The following ERICH5 variants were observed in gnomAD, a reference collection of about 807,000 sequenced individuals.
ERICH5 encodes the protein glutamate rich 5, also known as glutamate-rich protein 5.
A neutral mutation model predicts 28.0 loss-of-function variants in ERICH5; 24 were observed. That is an observed-to-expected ratio of 0.86 (90% confidence interval 0.62 to 1.21). The LOEUF is 1.21. Ranked by LOEUF, ERICH5 falls within the 50% of genes most tolerant of loss-of-function variation. ERICH5 has a pLI of 0.00. For synonymous variants in ERICH5, 163 were observed against 157.6 expected, an observed-to-expected ratio of 1.03 and a Z score of -0.25; for missense variants, 421 against 441.2, an observed-to-expected ratio of 0.95 and a Z score of 0.41.
At chr8:98,088,611 C>T (rs1451989290) in intron 1 of ERICH5, among the ~76,000 whole-genome samples, 1 of 152,174 alleles carries the variant, frequency 6.6e-6, no homozygotes, top group Non-Finnish European at 1.5e-5. Flanking sequence ...GAAAGTAAGA[C>T]CTCTCTAGCA....
intron 2 of ERICH5, among the ~76,000 whole-genome samples, chr8:98,091,698 C>T (rs1430135356): frequency 6.6e-6 from 1 of 152,198 alleles, no homozygotes; most frequent in Non-Finnish European, 1.5e-5. Context: ...AATGTCCAGA[C>T]TTGTTAGTGT....
chr8:98,081,695 A>G (rs1298795632), intron 1 of ERICH5, among the ~76,000 whole-genome samples: 1 of 152,220 alleles, frequency 6.6e-6, no homozygotes, highest in Non-Finnish European at 1.5e-5. Context: ...TGGGAGGCCA[A>G]GGCGAGCAGA....
intron 1 of ERICH5, among the ~76,000 whole-genome samples, chr8:98,071,779 C>T (rs888460422): frequency 2.0e-5 from 3 of 152,254 alleles, no homozygotes; most frequent in Admixed American, 6.5e-5. Flanking sequence ...TGAACCACTT[C>T]TTGGGAATTG....
chr8:98,068,048 G>T (rs868519843), intron 1 of ERICH5, among the ~76,000 whole-genome samples: 1 of 151,076 alleles, frequency 6.6e-6, no homozygotes, highest in Non-Finnish European at 1.5e-5. Flanking sequence ...ATTGAGACAG[G>T]GTCTTGCTAT....
At chr8:98,070,754 A>G (rs1814902745) in intron 1 of ERICH5, among the ~76,000 whole-genome samples, 1 of 151,332 alleles carries the variant, frequency 6.6e-6, no homozygotes, top group Non-Finnish European at 1.5e-5. Flanking sequence ...GAGTAGATGG[A>G]TGGGTGAATG....
At chr8:98,077,100 TA>T (rs34156712) in intron 1 of ERICH5, among the ~76,000 whole-genome samples, 38,197 of 146,360 alleles carry the variant, frequency 0.26, 5,195 homozygotes, top group East Asian at 0.42. Context: ...CTGTCTCTAT[TA>T]AAAAAAAAAA....
At chr8:98,082,726 C>G (rs1815205484) in intron 1 of ERICH5, among the ~76,000 whole-genome samples, 1 of 151,766 alleles carries the variant, frequency 6.6e-6, no homozygotes, top group Non-Finnish European at 1.5e-5. Flanking sequence ...TAACACTTAG[C>G]CTGGCGTGGT....
intron 1 of ERICH5, among the ~76,000 whole-genome samples, chr8:98,085,708 A>G (rs1018068147): frequency 6.6e-6 from 1 of 152,218 alleles, no homozygotes; most frequent in African/African-American, 2.4e-5. Flanking sequence ...ATAAAAATCT[A>G]AACTCTTTAG....
At chr8:98,091,838 TTCTTTCTTTC>T (rs1419956745) in intron 2 of ERICH5, among the ~76,000 whole-genome samples, 68 of 52,114 alleles carry the variant, frequency 1.3e-3, no homozygotes, top group Admixed American at 1.6e-3. Context: ...CTTTTTCTTT[TTCTTTCTTTC>T]TTTCTTTCTT....
At chr8:98,079,275 A>T (rs1815128322) in intron 1 of ERICH5, among the ~76,000 whole-genome samples, 1 of 148,290 alleles carries the variant, frequency 6.7e-6, no homozygotes, top group Non-Finnish European at 1.5e-5. Context: ...GGCTTAAGCA[A>T]TCCTCCCACG....
chr8:98,079,155 TTTTTTTTTTC>T (rs1563755178), intron 1 of ERICH5, among the ~76,000 whole-genome samples: 1 of 13,348 alleles, frequency 7.5e-5, no homozygotes, highest in Non-Finnish European at 5.5e-4. Context: ...ATTTTCCTCT[TTTTTTTTTTC>T]CTTTTTTTTT....
At chr8:98,080,621 T>G (rs532199226) in intron 1 of ERICH5, among the ~76,000 whole-genome samples, 2 of 151,954 alleles carry the variant, frequency 1.3e-5, no homozygotes, top group South Asian at 4.2e-4. Context: ...CTCCTTCTTC[T>G]TCTCCTTCAC....
chr8:98,086,089 A>T (rs1215364094), intron 1 of ERICH5, among the ~76,000 whole-genome samples: 3 of 152,168 alleles, frequency 2.0e-5, no homozygotes, highest in Admixed American at 2.0e-4. Context: ...AAGGTGGTAG[A>T]TTGAAGATAT....
intron 1 of ERICH5, among the ~76,000 whole-genome samples, chr8:98,082,185 T>A (rs1815195061): frequency 6.6e-6 from 1 of 152,218 alleles, no homozygotes; most frequent in Non-Finnish European, 1.5e-5. Flanking sequence ...ATGGTCATTT[T>A]AAAGGTATTA....
Position 98,091,920 on chromosome 8 carries a change from CCTTT to C in ERICH5, c.1013-1289_1013-1286del, listed in dbSNP as rs1363100223. Among the ~76,000 whole-genome samples the C allele has an allele frequency of 8.6e-4, 23 of 26,784 alleles. 1 individual carries two copies. Among genetic ancestry groups the C allele is most frequent in the African/African-American group, 2.4e-3 (19 of 8,072 alleles). 17.6% of individuals were successfully genotyped at this position (26,784 alleles called of 152,430 possible). On this transcript the variant is annotated intron_variant, in intron 2 of 2. Coordinates refer to ENST00000318528, the MANE Select transcript of ERICH5 (RefSeq NM_173549.3). ...TCTTTCCTTTCTTTCTTTCTTTCTT[CCTTT>C]CTTTCTTTCTTCCTTTCTTTCTTTC... is the stretch of plus-strand genomic sequence containing the variant.
At chr8:98,082,344 G>A (rs1052612023) in intron 1 of ERICH5, among the ~76,000 whole-genome samples, 6 of 152,040 alleles carry the variant, frequency 3.9e-5, no homozygotes. Context: ...CAGTAAAATT[G>A]GGAAAGTTAC....
intron 1 of ERICH5, among the ~76,000 whole-genome samples, chr8:98,075,989 GC>G (rs1327328312): frequency 1.3e-5 from 2 of 151,856 alleles, no homozygotes; most frequent in African/African-American, 4.8e-5. Context: ...AACCTGGCAA[GC>G]AGCCACATCA....
intron 1 of ERICH5, among the ~76,000 whole-genome samples, chr8:98,086,688 C>A (rs1339529085): frequency 1.3e-5 from 2 of 152,106 alleles, no homozygotes; most frequent in Non-Finnish European, 2.9e-5. Flanking sequence ...CGGTGGCTCA[C>A]GCCTGTAATC....
intron 1 of ERICH5, among the ~76,000 whole-genome samples, chr8:98,082,950 G>A (rs753609372): frequency 4.6e-5 from 7 of 152,144 alleles, no homozygotes; most frequent in African/African-American, 7.2e-5. Flanking sequence ...AAAAATTGAC[G>A]GATCACTTGG....
Sources: gnomAD v4.1 joint callset for allele counts (sites outside exome capture counted in the v4.1 genomes callset) on GRCh38, gnomAD v4.1.1 for gene constraint, MANE v1.5 for transcripts, NCBI Gene and HGNC (gene_info 2026-07-23, HGNC 2026-07-21) for gene names.